SPECC1: variants seen among roughly 807,000 people sequenced by gnomAD.
SPECC1 encodes the protein sperm antigen with calponin homology and coiled-coil domains 1, also known as cytospin-B.
SPECC1 carries 62 observed loss-of-function variants against 104.1 expected under a neutral mutation model. The ratio of observed to expected loss-of-function variants is 0.60; its 90% CI spans 0.49 to 0.74. The LOEUF (loss-of-function observed/expected upper bound fraction) is 0.74. Ranked by LOEUF, SPECC1 falls within the 30% of genes least tolerant of loss-of-function variation. SPECC1 has a pLI of 0.00. For missense variants in SPECC1, 1,306 were observed against 1,310.5 expected (o/e 1.00, Z 0.05); for synonymous variants, 513 against 501.6 (o/e 1.02, Z -0.30).
intron 1 of SPECC1, chr17:20,067,090 C>G (rs1219399413): frequency 6.6e-6 from 1 of 151,858 alleles, no homozygotes; most frequent in African/African-American, 2.4e-5. Flanking sequence ...GTTACATGTT[C>G]ATAGTAGACA....
intron 3 of SPECC1, among the ~76,000 whole-genome samples, chr17:20,156,979 C>G (rs1326152886): frequency 6.6e-6 from 1 of 151,966 alleles, no homozygotes; most frequent in Non-Finnish European, 1.5e-5. Flanking sequence ...ACTCTGGAGT[C>G]CTTGTGGGGG....
chr17:20,250,571 A>G (rs1307694638), intron 9 of SPECC1, among the ~76,000 whole-genome samples: 3 of 152,242 alleles, frequency 2.0e-5, no homozygotes, highest in African/African-American at 7.2e-5. Flanking sequence ...AGAGAGTAGT[A>G]GAAAATCTCA....
intron 9 of SPECC1, 80 bp from the exon 10 acceptor site, chr17:20,253,425 C>T: frequency 7.4e-7 from 1 of 1,353,916 alleles, no homozygotes; most frequent in Non-Finnish European, 1.0e-6. Flanking sequence ...CACACACACG[C>T]ATGCACACAC....
chr17:20,286,500 C>T (rs1396190480), intron 12 of SPECC1, among the ~76,000 whole-genome samples: 1 of 152,174 alleles, frequency 6.6e-6, no homozygotes, highest in African/African-American at 2.4e-5. Context: ...CCAGATTTCA[C>T]CCCTCTCTAC....
intron 9 of SPECC1, among the ~76,000 whole-genome samples, chr17:20,249,399 CAG>C (rs1173949499): frequency 1.3e-5 from 2 of 151,968 alleles, no homozygotes; most frequent in East Asian, 1.9e-4. Flanking sequence ...GCCTGGGCAA[CAG>C]AGCAAGACTC....
chr17:20,182,274 C>T (rs1404399800), intron 3 of SPECC1, among the ~76,000 whole-genome samples: 1 of 151,874 alleles, frequency 6.6e-6, no homozygotes, highest in African/African-American at 2.4e-5. Flanking sequence ...CCACCATGTC[C>T]CGCTAAACTT....
chr17:20,106,182 A>G (rs1448327182), intron 2 of SPECC1, among the ~76,000 whole-genome samples: 1 of 152,134 alleles, frequency 6.6e-6, no homozygotes, highest in East Asian at 1.9e-4. Context: ...AAAGTTTCAA[A>G]CCAGAATTGA....
chr17:20,053,399 G>T (rs2152463332), intron 1 of SPECC1, among the ~76,000 whole-genome samples: 1 of 152,316 alleles, frequency 6.6e-6, no homozygotes. Context: ...CACTTCCACA[G>T]TGTGATGATT....
chr17:20,129,810 A>AT lies in SPECC1; in HGVS notation c.283+19249dup, dbSNP rs542030597. 1.6e-3 allele frequency among the ~76,000 whole-genome samples: 245 copies of AT among 151,766 alleles called. 1 individual carries two copies. Among genetic ancestry groups the AT allele is most frequent in the African/African-American group, 5.8e-3 (239 of 41,358 alleles). On this transcript the variant is annotated intron_variant, in intron 3 of 14. Coordinates refer to ENST00000395527, the MANE Select transcript of SPECC1 (RefSeq NM_001243439.2). Reference sequence around the variant, plus strand: ...ACTCTGTTGCCCAGGCTGGAGTGCAATGGCACAATCTTGGCTCACTGCAAC... The same window carrying AT: ...ACTCTGTTGCCCAGGCTGGAGTGCAATTGGCACAATCTTGGCTCACTGCAAC...
At chr17:20,258,847 G>A (rs1169525822) in intron 11 of SPECC1, among the ~76,000 whole-genome samples, 1 of 152,138 alleles carries the variant, frequency 6.6e-6, no homozygotes, top group African/African-American at 2.4e-5. Context: ...CACTTTTTTG[G>A]GTGTTTAGTT....
At chr17:20,166,741 C>T (rs1447034930) in intron 3 of SPECC1, among the ~76,000 whole-genome samples, 1 of 152,074 alleles carries the variant, frequency 6.6e-6, no homozygotes, top group Admixed American at 6.6e-5. Flanking sequence ...TCTTCTCTTT[C>T]CTCAGTACCT....
At position 20,238,999 on chromosome 17, in the gene SPECC1, A is replaced by G. The variant is rs939048315; in HGVS notation, c.2351+6594A>G. On this transcript the variant is annotated intron_variant, in intron 7 of 14. Coordinates refer to ENST00000395527, the MANE Select transcript of SPECC1 (RefSeq NM_001243439.2). ...AGTTTCAGAACTTCAAAGTCACATC[A>G]AGTAACTAGAATTTGAGGTAGAAAA... is the stretch of plus-strand genomic sequence containing the variant. 7 of 1,036,380 alleles carry G rather than the reference A, an allele frequency of 6.8e-6. No homozygotes were observed. In the East Asian group the frequency reaches 4.2e-4, roughly 62 times the overall value. The allele number at this position is 1,036,380 out of a possible 1,614,324, so 64.2% of individuals were successfully genotyped here. A position where few individuals can be genotyped will look rare whatever the true frequency, so the allele number is the denominator to read the frequency against.
intron 3 of SPECC1, among the ~76,000 whole-genome samples, chr17:20,184,058 A>G (rs538632453): frequency 7.9e-5 from 12 of 151,314 alleles, no homozygotes; most frequent in East Asian, 7.8e-4. Context: ...GCACGTGCCT[A>G]TCGTCCCAGC....
intron 1 of SPECC1, among the ~76,000 whole-genome samples, chr17:20,035,410 T>C (rs1344391550): frequency 1.3e-5 from 2 of 152,112 alleles, no homozygotes; most frequent in Non-Finnish European, 2.9e-5. Flanking sequence ...TTTTCCAACC[T>C]ATAAGCATGG....
intron 7 of SPECC1, among the ~76,000 whole-genome samples, chr17:20,240,596 G>A (rs935750282): frequency 1.3e-5 from 2 of 151,958 alleles, no homozygotes; most frequent in African/African-American, 4.8e-5. Context: ...CTGATGTGAG[G>A]TGTGGTTCTT....
chr17:20,234,482 A>G (rs1280387022), intron 7 of SPECC1, among the ~76,000 whole-genome samples: 2 of 152,216 alleles, frequency 1.3e-5, no homozygotes, highest in African/African-American at 4.8e-5. Context: ...CACCTACCCC[A>G]TGAGCAAGAC....
At chr17:20,036,592 C>T (rs2045093747) in intron 1 of SPECC1, among the ~76,000 whole-genome samples, 1 of 152,118 alleles carries the variant, frequency 6.6e-6, no homozygotes, top group South Asian at 2.1e-4. Flanking sequence ...TTAGTATTTT[C>T]AAGAATACAA....
chr17:20,072,688 A>G (rs2046603142), intron 1 of SPECC1, among the ~76,000 whole-genome samples: 2 of 152,214 alleles, frequency 1.3e-5, no homozygotes, highest in Admixed American at 1.3e-4. Flanking sequence ...GGGGGATTCT[A>G]TGTCACAGAG....
chr17:20,222,388 A>G (rs753261604), intron 4 of SPECC1, among the ~76,000 whole-genome samples: 4 of 152,160 alleles, frequency 2.6e-5, no homozygotes, highest in Non-Finnish European at 4.4e-5. Context: ...TCTCTCCTTG[A>G]GAAGAATCAT....
Sources: allele counts gnomAD v4.1 joint callset (sites outside exome capture counted in the v4.1 genomes callset), GRCh38; gene constraint gnomAD v4.1.1; transcripts MANE v1.5; gene names NCBI Gene and HGNC (gene_info 2026-07-23, HGNC 2026-07-21).